Variants in PPP6R2 observed in about 807,000 individuals in gnomAD.
The protein encoded by PPP6R2 is serine/threonine-protein phosphatase 6 regulatory subunit 2.
A neutral mutation model predicts 100.2 loss-of-function variants in PPP6R2; 62 were observed. That is an observed-to-expected ratio of 0.62 (90% CI 0.50 to 0.76). The LOEUF is 0.76. Ranked by LOEUF, PPP6R2 falls within the 30% of genes least tolerant of loss-of-function variation. PPP6R2 has a pLI of 0.00. For missense variants in PPP6R2, 1,142 were observed against 1,276.3 expected (o/e 0.89, Z 1.60); for synonymous variants, 525 against 514.7 (o/e 1.02, Z -0.27).
At chr22:50,375,314 T>G (rs1195188150) in intron 2 of PPP6R2, among the ~76,000 whole-genome samples, 1 of 152,174 alleles carries the variant, frequency 6.6e-6, no homozygotes. Flanking sequence ...CAGGAAACTT[T>G]TGGATCAAAA....
At chr22:50,400,253 G>C (rs540879424) in intron 3 of PPP6R2, among the ~76,000 whole-genome samples, 117 of 152,310 alleles carry the variant, frequency 7.7e-4, no homozygotes, top group African/African-American at 2.8e-3. Context: ...CTGGGCCACT[G>C]ACCATCCACT....
chr22:50,407,344 CA>C (rs67860864), intron 4 of PPP6R2: 4 of 158,266 alleles, frequency 2.5e-5, no homozygotes, highest in East Asian at 1.9e-4. Flanking sequence ...GAGACTGTCT[CA>C]AAAAAAAGAA....
chr22:50,351,026 G>GGTTTTTTTTTTTTTTT (rs1386357403), intron 1 of PPP6R2, among the ~76,000 whole-genome samples: 2 of 80,740 alleles, frequency 2.5e-5, no homozygotes, highest in African/African-American at 5.1e-5. Flanking sequence ...TCTCAACAGT[G>GGTTTTTTTTTTTTTTT]TTTTTTTTTT....
At chr22:50,406,937 T>C in intron 4 of PPP6R2, 62 bp downstream of exon 4, 1 of 1,512,118 alleles carries the variant, frequency 6.6e-7, no homozygotes, top group Non-Finnish European at 9.1e-7. Context: ...TGACGTGTCC[T>C]GCTGTGAGCC....
intron 4 of PPP6R2, among the ~76,000 whole-genome samples, chr22:50,409,071 G>A (rs947905022): frequency 1.4e-4 from 21 of 152,294 alleles, no homozygotes; most frequent in African/African-American, 4.6e-4. Flanking sequence ...CTGAGATTGC[G>A]CCATTGCACT....
At position 50,431,126 on chromosome 22, in the gene PPP6R2, A is replaced by G; in HGVS notation, c.1126-47A>G. 1 of 1,479,604 alleles carries G rather than the reference A, an allele frequency of 6.8e-7. No homozygotes were observed. Among genetic ancestry groups the G allele is most frequent in the Non-Finnish European group, 9.4e-7 (1 of 1,065,028 alleles). 91.7% of individuals were successfully genotyped at this position (1,479,604 alleles called of 1,614,324 possible). A position where few individuals can be genotyped will look rare whatever the true frequency, so the allele number is the denominator to read the frequency against. ...CCCTCAGCTTTGTGGTGTAGCCGGC[A>G]GGAGAAAACCGATCTAAGAACTGTC... is the stretch of plus-strand genomic sequence containing the variant. On this transcript the variant is annotated intron_variant, in intron 10 of 23. Coordinates refer to ENST00000612753, the MANE Select transcript of PPP6R2 (RefSeq NM_001242898.2). The surrounding 1 kb of genome is among the most constrained non-coding windows in gnomAD (Gnocchi z 4.8).
chr22:50,375,495 C>T (rs967004576), intron 2 of PPP6R2, among the ~76,000 whole-genome samples: 4 of 152,064 alleles, frequency 2.6e-5, no homozygotes, highest in Non-Finnish European at 5.9e-5. Context: ...TAAAGGAGAC[C>T]CTCCCCACAC....
In PPP6R2 at chr22:50,420,813, C is replaced by A. The variant is rs115559043; in HGVS notation, c.845+1351C>A. Among the ~76,000 whole-genome samples the A allele has an allele frequency of 5.5e-3, 838 of 152,328 alleles. 3 individuals are homozygous for A. The highest frequency in any genetic ancestry group is 0.019 in the African/African-American group (784 of 41,566). On this transcript the variant is annotated intron_variant, in intron 8 of 23. Transcript: ENST00000612753. Reference sequence around the variant, plus strand: ...ACTTCCCCTCCTGGCCTCACCCTGGCCCTTGAACCCCATCTCTGGATTCAG... The same window carrying A: ...ACTTCCCCTCCTGGCCTCACCCTGGACCTTGAACCCCATCTCTGGATTCAG...
intron 1 of PPP6R2, among the ~76,000 whole-genome samples, chr22:50,368,174 C>T (rs937454720): frequency 3.3e-5 from 5 of 152,242 alleles, no homozygotes; most frequent in African/African-American, 7.2e-5. Flanking sequence ...GGAGCGTGAC[C>T]GCTGAAGCAC....
rs369566246 is a variant in PPP6R2 at position 50,374,785 on chromosome 22, G to A, written c.-17+2635G>A. Reference sequence around the variant, plus strand: ...AAAAATTAGCCGGGCGTGGTGGTGCGCGCCTGTATTCCCAGCTACTCAGGA... The same window carrying A: ...AAAAATTAGCCGGGCGTGGTGGTGCACGCCTGTATTCCCAGCTACTCAGGA... On this transcript the variant is annotated intron_variant, in intron 2 of 23. Coordinates refer to ENST00000612753, the MANE Select transcript of PPP6R2 (RefSeq NM_001242898.2). Among the ~76,000 whole-genome samples, 19 of 151,912 alleles carry A rather than the reference G, an allele frequency of 1.3e-4. No homozygotes were observed. The East Asian group carries it at 2.5e-3, about 20-fold the overall frequency.
intron 4 of PPP6R2, among the ~76,000 whole-genome samples, chr22:50,413,305 CA>C (rs2060035003): frequency 6.6e-6 from 1 of 151,994 alleles, no homozygotes; most frequent in Non-Finnish European, 1.5e-5. Context: ...TCTAAATTTA[CA>C]AAAACTGGCA....
intron 13 of PPP6R2, among the ~76,000 whole-genome samples, chr22:50,435,312 C>T (rs1334981641): frequency 6.6e-6 from 1 of 152,224 alleles, no homozygotes; most frequent in East Asian, 1.9e-4. Context: ...TGCCAGGCGT[C>T]AGCGTGTGGC....
rs774012989 is a variant in PPP6R2, at chr22:50,439,771, C to T, written c.2199C>T (p.Asp733=). 1.7e-5 allele frequency: 28 copies of T among 1,613,636 alleles called. No individual in the cohort carries two copies. Among genetic ancestry groups the T allele is most frequent in the South Asian group, 8.8e-5 (8 of 91,074 alleles). The change falls in exon 20 of 24, where the codon GAC becomes GAT. Residue 733 remains aspartate, a synonymous_variant. Coordinates refer to ENST00000612753, the MANE Select transcript of PPP6R2 (RefSeq NM_001242898.2). ...STPTAPGVVR[D]VGSSVWAAGT... is the part of the protein sequence containing the mutation. ...CCACAGCCCCAGGAGTGGTGAGGGA[C>T]GTGGGTTCCAGTGTGTGGGCAGCTG...
At chr22:50,336,405 T>C in the PPP6R2 span, among the ~76,000 whole-genome samples, 1 of 152,042 alleles carries the variant, frequency 6.6e-6, no homozygotes, top group Non-Finnish European at 1.5e-5. Flanking sequence ...AGATGGAGTT[T>C]CGCTCTTGTT....
At chr22:50,432,117 G>A (rs34841112) in intron 11 of PPP6R2, 148 bp from the exon 12 acceptor site, 40,502 of 703,612 alleles carry the variant, frequency 0.058, 1,619 homozygotes, top group Non-Finnish European at 0.076. Flanking sequence ...GACCGCGGAG[G>A]CTGGGGCTGT....
intron 1 of PPP6R2, among the ~76,000 whole-genome samples, chr22:50,354,937 A>G (rs2046138444): frequency 6.9e-6 from 1 of 144,944 alleles, no homozygotes; most frequent in African/African-American, 2.6e-5. Context: ...GCACAGTCAC[A>G]GCTCACCACA....
At chr22:50,364,047 A>G (rs1034873334) in intron 1 of PPP6R2, among the ~76,000 whole-genome samples, 2 of 152,006 alleles carry the variant, frequency 1.3e-5, no homozygotes, top group Non-Finnish European at 2.9e-5. Context: ...GGCATGCACC[A>G]CCACGTCTGG....
In PPP6R2 at chr22:50,414,592, T is replaced by A. The variant is rs74740987; in HGVS notation, c.455T>A (p.Leu152Gln). Residue 152 changes from leucine (L) to glutamine (Q), a missense_variant, in exon 5 of 24, where the codon CTG becomes CAG. Physicochemically the swap from Leu to Gln is moderately radical, Grantham distance 113. Transcript: ENST00000612753. ...AAGAAGAAGGACAAGTTCATCAGCCTGGTGTTGAAGCACATCGGCACCTCA... is the reference window on the plus strand; with the variant it reads ...AAGAAGAAGGACAAGTTCATCAGCCAGGTGTTGAAGCACATCGGCACCTCA... ...FLKKKDKFIS[L>Q]VLKHIGTSAL... The A allele has an allele frequency of 3.1e-4, 497 of 1,614,070 alleles. No homozygotes were observed. In the African/African-American group the frequency reaches 5.9e-3, roughly 19 times the overall value.
intron 3 of PPP6R2, among the ~76,000 whole-genome samples, chr22:50,401,388 T>C (rs368890953): frequency 4.6e-5 from 7 of 151,618 alleles, no homozygotes; most frequent in African/African-American, 1.7e-4. Context: ...TTATATTTTT[T>C]AGTAGAGACG....
Sources: gnomAD v4.1 joint callset for allele counts (sites outside exome capture counted in the v4.1 genomes callset) on GRCh38, gnomAD v4.1.1 for gene constraint, Gnocchi (gnomAD v3.1) non-coding constraint, MANE v1.5 for transcripts, NCBI Gene and HGNC (gene_info 2026-07-23, HGNC 2026-07-21) for gene names.